The following AGO2 variants were observed in gnomAD, a reference collection of about 807,000 sequenced individuals.
AGO2 encodes the protein argonaute RISC catalytic component 2, also known as protein argonaute-2.
In AGO2, 5 loss-of-function variants were observed where a neutral mutation model predicts 102.3. The ratio of observed to expected loss-of-function variants is 0.05; its 90% CI spans 0.03 to 0.10. AGO2 has a LOEUF of 0.10. Among genes scored for constraint, AGO2 ranks in the 10% least tolerant of loss-of-function variants. The pLI, the probability that AGO2 is intolerant of heterozygous loss-of-function variation, is 1.00. For synonymous variants in AGO2, 449 were observed against 473.1 expected, an observed-to-expected ratio of 0.95 and a Z score of 0.66; for missense variants, 541 against 1,183.7, an observed-to-expected ratio of 0.46 and a Z score of 7.97.
chr8:140,566,620 G>GGA (rs2073289919), intron 3 of AGO2, among the ~76,000 whole-genome samples: 1 of 146,654 alleles, frequency 6.8e-6, no homozygotes, highest in African/African-American at 2.5e-5. Context: ...TTTTTTTTTG[G>GGA]GGGGGGGGAA....
intron 16 of AGO2, among the ~76,000 whole-genome samples, chr8:140,536,115 G>A (rs79658384): frequency 9.9e-5 from 15 of 152,014 alleles, no homozygotes; most frequent in African/African-American, 2.9e-4. Context: ...GGCCAGGGGC[G>A]GTACATATAA....
chr8:140,626,164 C>T (rs1588517370), intron 1 of AGO2, among the ~76,000 whole-genome samples: 1 of 152,128 alleles, frequency 6.6e-6, no homozygotes, highest in Non-Finnish European at 1.5e-5. Flanking sequence ...TGTCTACGAG[C>T]GGGCAAGGAA....
intron 10 of AGO2, among the ~76,000 whole-genome samples, chr8:140,551,896 G>A (rs2073005741): frequency 6.6e-6 from 1 of 152,182 alleles, no homozygotes. Context: ...GATGGCTGAT[G>A]AGTGGATAAG....
rs1247339259 is a variant in AGO2, at chr8:140,529,200, G to A, written c.*2844C>T. 2 of 152,214 alleles carry A rather than the reference G, an allele frequency of 1.3e-5. No homozygotes were observed. Among genetic ancestry groups the A allele is most frequent in the African/African-American group, 4.8e-5 (2 of 41,450 alleles). 9.4% of individuals were successfully genotyped at this position (152,214 alleles called of 1,614,324 possible). A position where few individuals can be genotyped will look rare whatever the true frequency, so the allele number is the denominator to read the frequency against. ...TTGACAGGCCCAGGGGGGCAGCAGT[G>A]GACAGGGAAGGGTGGCAAGGCCCCA... is the stretch of plus-strand genomic sequence containing the variant. On this transcript the variant is annotated 3_prime_UTR_variant, in exon 19 of 19. Transcript: ENST00000220592.
At chr8:140,634,956 G>A (rs1278590504) in intron 1 of AGO2, among the ~76,000 whole-genome samples, 1 of 152,000 alleles carries the variant, frequency 6.6e-6, no homozygotes, top group Non-Finnish European at 1.5e-5. Context: ...GGTCGGGACC[G>A]GCGCAGCCCC....
At position 140,544,273 on chromosome 8, in the gene AGO2, A is replaced by T. The variant is rs1222004461; in HGVS notation, c.1779T>A (p.Phe593Leu). Residue 593 changes from phenylalanine (F) to leucine (L), a missense_variant, in exon 14 of 19, where the codon TTT (phenylalanine) becomes TTA (leucine). By Grantham distance (22) the Phe-to-Leu change is conservative. Around this residue, in one of 6 missense-constraint regions of AGO2, gnomAD observed 309 missense variants for 735.1 expected, o/e 0.42. Transcript: ENST00000220592. ...RPPVFQQPVIFLGADVTHPPA... is the reference protein window; with the variant it reads ...RPPVFQQPVILLGADVTHPPA... ...GGGGGTGAGTGACGTCTGCTCCCAG[A>T]AAGATGACGGGCTGCTGGAACACCG... 7 of 1,603,026 alleles carry T rather than the reference A, an allele frequency of 4.4e-6. No homozygotes were observed. The highest frequency in any genetic ancestry group is 6.0e-6 in the Non-Finnish European group (7 of 1,175,730).
At position 140,521,623 on chromosome 8, in the gene AGO2, C is replaced by G. The variant is rs187695503; in HGVS notation, c.*10421G>C. The stretch of plus-strand genomic sequence containing the variant: ...TATAAAAGCATGGTAAGTCATCAAC[C>G]TATCTCATTTTCTTACCTGTCAGAA... On this transcript the variant is annotated 3_prime_UTR_variant, in exon 19 of 19. Transcript: ENST00000220592. The G allele has an allele frequency of 6.6e-6, 1 of 152,322 alleles. No individual in the cohort carries two copies. The highest frequency in any genetic ancestry group is 6.5e-5 in the Admixed American group (1 of 15,288). The allele number at this position is 152,322 out of a possible 1,614,324, so 9.4% of individuals were successfully genotyped here. A position where few individuals can be genotyped will look rare whatever the true frequency, so the allele number is the denominator to read the frequency against.
Position 140,551,199 on chromosome 8 carries a change from C to T in AGO2, c.1403+104G>A, listed in dbSNP as rs369495528. 9 of 1,315,548 alleles carry T rather than the reference C, an allele frequency of 6.8e-6. No homozygotes were observed. In the African/African-American group the frequency reaches 1.0e-4, roughly 15 times the overall value. 81.5% of individuals were successfully genotyped at this position (1,315,548 alleles called of 1,614,324 possible). A position where few individuals can be genotyped will look rare whatever the true frequency, so the allele number is the denominator to read the frequency against. The stretch of plus-strand genomic sequence containing the variant: ...ACCCTGACATCAAAACCCATACCAG[C>T]ACCCTCACCCCCACCCCAACCAGAG... On this transcript the variant is annotated intron_variant, in intron 11 of 18. Coordinates refer to ENST00000220592, the MANE Select transcript of AGO2 (RefSeq NM_012154.5).
chr8:140,551,285 T>C lies in AGO2; in HGVS notation c.1403+18A>G. The C allele has an allele frequency of 6.6e-7, 1 of 1,504,386 alleles. No homozygotes were observed. The highest frequency in any genetic ancestry group is 1.3e-5 in the South Asian group (1 of 78,380). The allele number at this position is 1,504,386 out of a possible 1,614,324, so 93.2% of individuals were successfully genotyped here. ...GGCAGCACCCCCAGGCCGGAGCCTC[T>C]GCCTGTGGGGGGCTTACTTCAGATG... On this transcript the variant is annotated intron_variant, in intron 11 of 18. Transcript: ENST00000220592.
At chr8:140,635,724 G>C, upstream of AGO2, 1 of 147,602 alleles carries the variant, frequency 6.8e-6, no homozygotes, top group Non-Finnish European at 1.5e-5. Flanking sequence ...GAGGGGGAGG[G>C]GAGGCGAGGC....
In AGO2 at chr8:140,582,325, C is replaced by A. The variant is rs566819084; in HGVS notation, c.215+2794G>T. Among the ~76,000 whole-genome samples the A allele has an allele frequency of 2.0e-5, 3 of 152,280 alleles. No homozygotes were observed. In the South Asian group the frequency reaches 6.2e-4, roughly 32 times the overall value. On this transcript the variant is annotated intron_variant, in intron 2 of 18. Coordinates refer to ENST00000220592, the MANE Select transcript of AGO2 (RefSeq NM_012154.5). ...CACCCCTAATCTGAAAACCCCAAAT[C>A]CAAAATGCTCCAAAATCTGAAACTT...
chr8:140,584,067 A>G (rs1325061169), intron 2 of AGO2, among the ~76,000 whole-genome samples: 1 of 151,894 alleles, frequency 6.6e-6, no homozygotes, highest in African/African-American at 2.4e-5. Flanking sequence ...GGATGCTTAC[A>G]AATGCAATGT....
intron 4 of AGO2, 21 bp downstream of exon 4, chr8:140,562,432 G>T (rs761816201): frequency 1.9e-6 from 3 of 1,598,832 alleles, no homozygotes; most frequent in Non-Finnish European, 2.6e-6. Context: ...CCCCGCCCTT[G>T]GTCCCGTGTG....
At chr8:140,597,169 C>T (rs1324073205) in intron 1 of AGO2, among the ~76,000 whole-genome samples, 10 of 152,218 alleles carry the variant, frequency 6.6e-5, no homozygotes, top group Non-Finnish European at 1.5e-5. Context: ...TGCACTGTGT[C>T]CCAGCTCTGG....
At chr8:140,559,267 T>C (rs2073156109) in intron 6 of AGO2, 128 bp downstream of exon 6, 5 of 1,192,850 alleles carry the variant, frequency 4.2e-6, no homozygotes, top group African/African-American at 3.1e-5. Context: ...CCTCATCTGA[T>C]GGCTACATTC....
chr8:140,603,508 G>A (rs943187427), intron 1 of AGO2, among the ~76,000 whole-genome samples: 13 of 152,112 alleles, frequency 8.5e-5, no homozygotes, highest in African/African-American at 2.7e-4. Flanking sequence ...AAGAAGCCAC[G>A]TGCCCGCTAA....
At chr8:140,584,210 G>C (rs960121601) in intron 2 of AGO2, among the ~76,000 whole-genome samples, 3 of 150,108 alleles carry the variant, frequency 2.0e-5, no homozygotes, top group African/African-American at 7.3e-5. Flanking sequence ...CTTAATCGAT[G>C]AAAATAATAT....
At position 140,585,321 on chromosome 8, in the gene AGO2, CAG is replaced by C. The variant is rs2073638275; in HGVS notation, c.23-12_23-11del. 2 of 1,612,598 alleles carry C rather than the reference CAG, an allele frequency of 1.2e-6. No homozygotes were observed. The highest frequency in any genetic ancestry group is 1.7e-6 in the Non-Finnish European group (2 of 1,179,266). On this transcript the variant is annotated splice_polypyrimidine_tract_variant and intron_variant, in intron 1 of 18. Coordinates refer to ENST00000220592, the MANE Select transcript of AGO2 (RefSeq NM_012154.5). ...GCAGGAGGTGCAAGTGCTGGAATGGCAGAGAGAACACCCATTAACGGGGGAGC... is the reference window on the plus strand; with the variant it reads ...GCAGGAGGTGCAAGTGCTGGAATGGCAGAGAACACCCATTAACGGGGGAGC...
chr8:140,557,050 C>T lies in AGO2; in HGVS notation c.1026+39G>A, dbSNP rs1462663269. The T allele has an allele frequency of 1.3e-6, 2 of 1,587,364 alleles. No homozygotes were observed. Among genetic ancestry groups the T allele is most frequent in the Non-Finnish European group, 1.7e-6 (2 of 1,164,454 alleles). On this transcript the variant is annotated intron_variant, in intron 8 of 18. Transcript: ENST00000220592. The surrounding 1 kb of genome is among the most constrained non-coding windows in gnomAD (Gnocchi z 5.9). The stretch of plus-strand genomic sequence containing the variant: ...ATGCCCCAGCCTGGGACGCCGCCCT[C>T]CCAAGCCCCCAGAGACACACAGGAA...
Sources: allele counts gnomAD v4.1 joint callset (sites outside exome capture counted in the v4.1 genomes callset), GRCh38; gene constraint gnomAD v4.1.1; regional missense constraint gnomAD v4.1.1; non-coding constraint Gnocchi (gnomAD v3.1); transcripts MANE v1.5; gene names NCBI Gene and HGNC (gene_info 2026-07-23, HGNC 2026-07-21).